ATP8B4: variants seen among roughly 807,000 people sequenced by gnomAD.
ATP8B4 encodes probable phospholipid-transporting ATPase IM.
Under a neutral mutation model 145.6 loss-of-function variants are expected in ATP8B4, and 133 were observed. That is an observed-to-expected ratio of 0.91 (90% CI 0.79 to 1.05). ATP8B4 has a LOEUF of 1.05. ATP8B4 is among the 50% of genes least tolerant of loss of function. The pLI is 0.00. For missense variants in ATP8B4, 1,458 were observed against 1,425.2 expected (o/e 1.02, Z -0.37); for synonymous variants, 507 against 492.9 (o/e 1.03, Z -0.38).
chr15:50,006,489 C>CAAAA lies in ATP8B4; in HGVS notation c.436-4270_436-4267dup, dbSNP rs750033683. ...AGAGCAATGAGGGCAATGAGACCAC[C>CAAAA]AAAAAAAAAAAAAAAAAAAAAGGCC... On this transcript the variant is annotated intron_variant, in intron 7 of 27. Coordinates refer to ENST00000284509, the MANE Select transcript of ATP8B4 (RefSeq NM_024837.4). 3.9e-3 allele frequency among the ~76,000 whole-genome samples: 188 copies of CAAAA among 47,702 alleles called. 5 individuals are homozygous for CAAAA. Among genetic ancestry groups the CAAAA allele is most frequent in the Middle Eastern group, 9.4e-3 (1 of 106 alleles). 31.3% of individuals were successfully genotyped at this position (47,702 alleles called of 152,430 possible). A position where few individuals can be genotyped will look rare whatever the true frequency, so the allele number is the denominator to read the frequency against.
chr15:50,038,608 A>G (rs954990867), intron 6 of ATP8B4, among the ~76,000 whole-genome samples, 160 bp downstream of exon 6: 1 of 152,226 alleles, frequency 6.6e-6, no homozygotes, highest in Non-Finnish European at 1.5e-5. Context: ...CGGAACATAA[A>G]AGAGAGCCAT....
At chr15:49,861,615 T>TA (rs1488853449) in intron 27 of ATP8B4, among the ~76,000 whole-genome samples, 1 of 152,188 alleles carries the variant, frequency 6.6e-6, no homozygotes, top group African/African-American at 2.4e-5. Flanking sequence ...ACGCTTTATC[T>TA]GAGTCCTGAC....
intron 12 of ATP8B4, among the ~76,000 whole-genome samples, chr15:49,976,022 T>G (rs1466386742): frequency 1.3e-5 from 2 of 152,200 alleles, no homozygotes; most frequent in Non-Finnish European, 2.9e-5. Context: ...TTTCTGGTTA[T>G]AAATTATATG....
intron 5 of ATP8B4, 83 bp downstream of exon 5, chr15:50,044,511 T>G: frequency 1.0e-6 from 1 of 974,830 alleles, no homozygotes; most frequent in South Asian, 1.7e-5. Context: ...TCATTCAAAA[T>G]TTCAAATGTA....
intron 2 of ATP8B4, among the ~76,000 whole-genome samples, chr15:50,088,434 A>T (rs1018047601): frequency 2.6e-5 from 4 of 151,950 alleles, no homozygotes; most frequent in African/African-American, 9.7e-5. Flanking sequence ...CTCCAGCCTC[A>T]GTGGCCTCTT....
intron 12 of ATP8B4, among the ~76,000 whole-genome samples, chr15:49,973,559 A>G (rs2045374353): frequency 6.6e-6 from 1 of 152,194 alleles, no homozygotes; most frequent in Admixed American, 6.5e-5. Flanking sequence ...TGAAAACAGG[A>G]TGTGTTGTCA....
At chr15:49,939,292 A>G (rs2041976316) in intron 14 of ATP8B4, among the ~76,000 whole-genome samples, 1 of 152,146 alleles carries the variant, frequency 6.6e-6, no homozygotes, top group African/African-American at 2.4e-5. Context: ...CCAAAAGTCT[A>G]TACAATCAAT....
intron 1 of ATP8B4, among the ~76,000 whole-genome samples, chr15:50,157,991 A>G (rs528486406): frequency 3.3e-5 from 5 of 152,312 alleles, no homozygotes; most frequent in Non-Finnish European, 5.9e-5. Context: ...TCCTAACCGC[A>G]AGTGATCCGC....
intron 1 of ATP8B4, among the ~76,000 whole-genome samples, chr15:50,129,966 A>C (rs12442997): frequency 7.5e-6 from 1 of 133,618 alleles, no homozygotes; most frequent in Non-Finnish European, 1.6e-5. Context: ...AAAAAAAAAA[A>C]AAAGAAAGAA....
intron 16 of ATP8B4, among the ~76,000 whole-genome samples, chr15:49,930,634 G>A (rs2041164532): frequency 1.3e-5 from 2 of 152,072 alleles, no homozygotes; most frequent in South Asian, 2.1e-4. Flanking sequence ...AGCCAGTACT[G>A]TATAGTGAAC....
chr15:49,933,150 C>A (rs12101710), intron 15 of ATP8B4, among the ~76,000 whole-genome samples: 57,557 of 151,268 alleles, frequency 0.38, 11,539 homozygotes, highest in African/African-American at 0.43. Flanking sequence ...GAAAAGTATA[C>A]AACAACAACA....
chr15:50,145,881 G>C (rs2044269425), intron 1 of ATP8B4, among the ~76,000 whole-genome samples: 1 of 151,988 alleles, frequency 6.6e-6, no homozygotes, highest in Non-Finnish European at 1.5e-5. Flanking sequence ...AATGCAGAAA[G>C]GATTAACCAG....
At chr15:50,094,749 G>A (rs990458621) in intron 2 of ATP8B4, among the ~76,000 whole-genome samples, 3 of 145,326 alleles carry the variant, frequency 2.1e-5, no homozygotes, top group South Asian at 2.2e-4. Context: ...TATACATTCC[G>A]TTTTACTAGA....
At chr15:50,029,377 C>T (rs1214834317) in intron 6 of ATP8B4, among the ~76,000 whole-genome samples, 1 of 151,974 alleles carries the variant, frequency 6.6e-6, no homozygotes, top group East Asian at 1.9e-4. Flanking sequence ...TTCCAGGCTT[C>T]TCTCCTAGCT....
intron 8 of ATP8B4, among the ~76,000 whole-genome samples, chr15:50,000,425 G>A (rs915088561): frequency 8.7e-5 from 13 of 149,428 alleles, no homozygotes; most frequent in Admixed American, 4.6e-4. Flanking sequence ...TGTAGTTTTA[G>A]CTTGTATTTC....
At chr15:50,120,273 A>G (rs2057254397), upstream of ATP8B4, among the ~76,000 whole-genome samples, 1 of 152,174 alleles carries the variant, frequency 6.6e-6, no homozygotes, top group South Asian at 2.1e-4. Context: ...TTCCACAGTA[A>G]CAAGAAACTA....
chr15:49,945,345 T>C (rs978759119), intron 14 of ATP8B4, among the ~76,000 whole-genome samples: 6 of 152,074 alleles, frequency 3.9e-5, no homozygotes, highest in African/African-American at 1.4e-4. Flanking sequence ...CCATAGCTAG[T>C]ATAGAGAGTG....
chr15:49,996,641 G>C lies in ATP8B4; in HGVS notation c.589+36C>G, dbSNP rs747312477. ...CTTTGTTGCATTGCTTTTTGGGTTT[G>C]AGGTTTTTGTTTGTTTATCTGTTTA... On this transcript the variant is annotated intron_variant, in intron 9 of 27. Coordinates refer to ENST00000284509, the MANE Select transcript of ATP8B4 (RefSeq NM_024837.4). The C allele has an allele frequency of 2.7e-6, 4 of 1,486,894 alleles. No individual in the cohort carries two copies. In the East Asian group the frequency reaches 9.3e-5, roughly 35 times the overall value. The allele number at this position is 1,486,894 out of a possible 1,614,324, so 92.1% of individuals were successfully genotyped here.
chr15:50,039,487 G>C (rs1220641228), intron 5 of ATP8B4, among the ~76,000 whole-genome samples: 1 of 152,028 alleles, frequency 6.6e-6, no homozygotes. Flanking sequence ...TCTCTACTAG[G>C]CTCATAAATT....
Sources: gnomAD v4.1 joint callset for allele counts (sites outside exome capture counted in the v4.1 genomes callset) on GRCh38, gnomAD v4.1.1 for gene constraint, MANE v1.5 for transcripts, NCBI Gene and HGNC (gene_info 2026-07-23, HGNC 2026-07-21) for gene names.